ABR: variants seen among roughly 807,000 people sequenced by gnomAD.
ABR encodes active breakpoint cluster region-related protein.
ABR carries 35 observed loss-of-function variants against 107.2 expected under a neutral mutation model. That is an observed-to-expected ratio of 0.33 (90% CI 0.25 to 0.43). The LOEUF is 0.43. Ranked by LOEUF, ABR falls within the 20% of genes least tolerant of loss-of-function variation. The pLI is 1.00. For synonymous variants in ABR, 498 were observed against 462.0 expected, an observed-to-expected ratio of 1.08 and a Z score of -1.00; for missense variants, 815 against 1,115.2, an observed-to-expected ratio of 0.73 and a Z score of 3.83.
chr17:1,117,699 TC>T (rs1402272061), intron 2 of ABR, among the ~76,000 whole-genome samples: 15 of 43,270 alleles, frequency 3.5e-4, no homozygotes, highest in Admixed American at 5.5e-4. Flanking sequence ...CCCGAGTTCC[TC>T]CCCAGCGTTA....
chr17:1,096,038 G>C (rs873168), intron 3 of ABR, among the ~76,000 whole-genome samples: 57,742 of 152,092 alleles, frequency 0.38, 11,683 homozygotes, highest in East Asian at 0.48. Flanking sequence ...GCAAGACACA[G>C]TTCCCAAGCT....
intron 16 of ABR, among the ~76,000 whole-genome samples, chr17:1,022,233 G>A (rs78037085): frequency 0.013 from 1,908 of 152,284 alleles, 31 homozygotes; most frequent in African/African-American, 0.043. Context: ...GAGGGGCCGC[G>A]GAGCCCAGGC....
intron 16 of ABR, 89 bp from the exon 17 acceptor site, chr17:1,013,253 T>A: frequency 7.8e-7 from 1 of 1,277,494 alleles, no homozygotes; most frequent in Non-Finnish European, 1.1e-6. Context: ...CAGAGCCAGC[T>A]ACACAGTCAG....
intron 16 of ABR, among the ~76,000 whole-genome samples, chr17:1,034,684 T>C (rs932549392): frequency 6.6e-6 from 1 of 152,128 alleles, no homozygotes; most frequent in African/African-American, 2.4e-5. Flanking sequence ...ATGGCTGTCA[T>C]GTAACTGGCT....
chr17:1,041,719 G>A lies in ABR; in HGVS notation c.1791+8331C>T, dbSNP rs185209062. Among the ~76,000 whole-genome samples, 282 of 152,296 alleles carry A rather than the reference G, an allele frequency of 1.9e-3. 2 individuals carry two copies. Among genetic ancestry groups the A allele is most frequent in the East Asian group, 7.5e-3 (39 of 5,178 alleles). On this transcript the variant is annotated intron_variant, in intron 16 of 22. Coordinates refer to ENST00000302538, the MANE Select transcript of ABR (RefSeq NM_021962.5). The stretch of plus-strand genomic sequence containing the variant: ...TTACACTCAGCCTGGGCGACAGAGA[G>A]AGACTCCATCTCAAATAAATATAAA...
intron 14 of ABR, among the ~76,000 whole-genome samples, chr17:1,055,092 C>T (rs1324232464): frequency 3.3e-5 from 5 of 152,070 alleles, no homozygotes; most frequent in Non-Finnish European, 5.9e-5. Context: ...GCAACCAGGC[C>T]GGGCGCAGCA....
At chr17:1,075,958 C>T (rs575369154) in intron 6 of ABR, among the ~76,000 whole-genome samples, 9 of 152,332 alleles carry the variant, frequency 5.9e-5, no homozygotes, top group African/African-American at 1.7e-4. Flanking sequence ...AGGGGAATCT[C>T]TTGAATCCAG....
In ABR at chr17:1,093,178, C is replaced by T. The variant is rs570125729; in HGVS notation, c.346-1328G>A. 4.6e-5 allele frequency among the ~76,000 whole-genome samples: 7 copies of T among 150,702 alleles called. No homozygotes were observed. In the South Asian group the frequency reaches 1.3e-3, roughly 28 times the overall value. ...TACCTGAAGGCCACGTGGAAAGAGG[C>T]TTAGACTTGGCTGGTCACGGTGGCT... is the stretch of plus-strand genomic sequence containing the variant. On this transcript the variant is annotated intron_variant, in intron 3 of 22. Coordinates refer to ENST00000302538, the MANE Select transcript of ABR (RefSeq NM_021962.5).
chr17:1,164,845 T>C (rs933956761), intron 1 of ABR, among the ~76,000 whole-genome samples: 8 of 152,160 alleles, frequency 5.3e-5, no homozygotes, highest in African/African-American at 1.9e-4. Flanking sequence ...TTTTTGTATT[T>C]TTATTACAGA....
intron 16 of ABR, among the ~76,000 whole-genome samples, chr17:1,026,279 C>T (rs1003479743): frequency 6.6e-6 from 1 of 152,246 alleles, no homozygotes; most frequent in Non-Finnish European, 1.5e-5. Flanking sequence ...ACCGGCCTGG[C>T]GCCCTGTCTT....
At chr17:1,109,113 C>A (rs1457977730) in intron 2 of ABR, 2 of 1,572,694 alleles carry the variant, frequency 1.3e-6, no homozygotes, top group East Asian at 4.9e-5. Flanking sequence ...GGGGTCCACG[C>A]AGCGGCGGCG....
chr17:1,126,886 G>C (rs2039626637), intron 1 of ABR, among the ~76,000 whole-genome samples: 1 of 152,352 alleles, frequency 6.6e-6, no homozygotes. Flanking sequence ...GAATGAATGA[G>C]CAGAGGATCG....
At position 1,148,315 on chromosome 17, in the gene ABR, T is replaced by C. The variant is rs2040639460; in HGVS notation, c.62-22948A>G. ...TCGATGAACCTTGGGGGCATTAGGC[T>C]ACGTGAAAGAAGCTGGTCACAGAAA... On this transcript the variant is annotated intron_variant, in intron 1 of 22. Transcript: ENST00000302538. This position sits in a 1 kb window ranked among gnomAD's most constrained non-coding sequence, Gnocchi z 4.9. Among the ~76,000 whole-genome samples, 1 of 152,226 alleles carries C rather than the reference T, an allele frequency of 6.6e-6. No individual in the cohort carries two copies. The highest frequency in any genetic ancestry group is 2.4e-5 in the African/African-American group (1 of 41,456).
intron 21 of ABR, among the ~76,000 whole-genome samples, chr17:1,007,557 A>G (rs568485081): frequency 6.6e-6 from 1 of 152,298 alleles, no homozygotes; most frequent in East Asian, 1.9e-4. Context: ...ACTGATGGTG[A>G]ACTGCCAGAG....
At chr17:1,178,564 CAA>C (rs11301468) in intron 1 of ABR, among the ~76,000 whole-genome samples, 103 of 121,866 alleles carry the variant, frequency 8.5e-4, no homozygotes, top group African/African-American at 1.0e-3. Flanking sequence ...GACTCCGTCT[CAA>C]AAAAAAAAAA....
At chr17:1,229,592 G>C (rs924181602) in exon 1 of ABR, among the ~76,000 whole-genome samples, 14 of 151,342 alleles carry the variant, frequency 9.3e-5, no homozygotes, top group Non-Finnish European at 2.1e-4. Flanking sequence ...CGGGGAACTC[G>C]GCCCGCCAGC....
In ABR at chr17:1,011,773, G is replaced by A. The variant is rs539191607; in HGVS notation, c.2101+73C>T. On this transcript the variant is annotated intron_variant, in intron 19 of 22. Transcript: ENST00000302538. This position sits in a 1 kb window ranked among gnomAD's most constrained non-coding sequence, Gnocchi z 4.8. Reference sequence around the variant, plus strand: ...CTCCAGGGAGGCTCCTGGTTCCCCCGAGCTCTCCTGTCCATCCCACCAGCC... The same window carrying A: ...CTCCAGGGAGGCTCCTGGTTCCCCCAAGCTCTCCTGTCCATCCCACCAGCC... The A allele has an allele frequency of 7.4e-6, 11 of 1,486,578 alleles. No individual in the cohort carries two copies. Among genetic ancestry groups the A allele is most frequent in the Middle Eastern group, 1.8e-4 (1 of 5,420 alleles). The allele number at this position is 1,486,578 out of a possible 1,614,324, so 92.1% of individuals were successfully genotyped here. A position where few individuals can be genotyped will look rare whatever the true frequency, so the allele number is the denominator to read the frequency against.
rs761532741 is a variant in ABR, at chr17:1,070,566, A to ACCGAGAC, written c.895-483_895-477dup. Reference sequence around the variant, plus strand: ...GCGAACTTCATCTAGCCCCGGCTCAACCGAGACCCGAGACCCGAGACCCAC... The same window carrying ACCGAGAC: ...GCGAACTTCATCTAGCCCCGGCTCAACCGAGACCCGAGACCCGAGACCCGAGACCCAC... On this transcript the variant is annotated intron_variant, in intron 8 of 22. Coordinates refer to ENST00000302538, the MANE Select transcript of ABR (RefSeq NM_021962.5). This position sits in a 1 kb window ranked among gnomAD's most constrained non-coding sequence, Gnocchi z 4.2. Among the ~76,000 whole-genome samples, 15 of 152,152 alleles carry ACCGAGAC rather than the reference A, an allele frequency of 9.9e-5. No homozygotes were observed. Among genetic ancestry groups the ACCGAGAC allele is most frequent in the South Asian group, 2.1e-4 (1 of 4,818 alleles).
chr17:1,175,114 A>G (rs2041872140), intron 1 of ABR, among the ~76,000 whole-genome samples: 1 of 152,258 alleles, frequency 6.6e-6, no homozygotes, highest in Non-Finnish European at 1.5e-5. Context: ...TAGAGGCATT[A>G]TGACCAAGAA....
Sources: allele counts gnomAD v4.1 joint callset (sites outside exome capture counted in the v4.1 genomes callset), GRCh38; gene constraint gnomAD v4.1.1; non-coding constraint Gnocchi (gnomAD v3.1); transcripts MANE v1.5; gene names NCBI Gene and HGNC (gene_info 2026-07-23, HGNC 2026-07-21).